The following PHAF1 variants were observed in gnomAD, a reference collection of about 807,000 sequenced individuals.
PHAF1 encodes the protein phagophore assembly factor 1.
A neutral mutation model predicts 63.1 loss-of-function variants in PHAF1; 23 were observed. That is an observed-to-expected ratio of 0.36 (90% CI 0.26 to 0.52). The LOEUF is 0.52. Among genes scored for constraint, PHAF1 ranks in the 20% least tolerant of loss-of-function variants. The pLI, the probability that PHAF1 is intolerant of heterozygous loss-of-function variation, is 0.93. For missense variants in PHAF1, 427 were observed against 517.2 expected (o/e 0.83, Z 1.69); for synonymous variants, 167 against 185.0 (o/e 0.90, Z 0.79).
At chr16:67,117,859 C>T (rs1943436571) in intron 1 of PHAF1, among the ~76,000 whole-genome samples, 1 of 150,488 alleles carries the variant, frequency 6.6e-6, no homozygotes, top group Admixed American at 6.6e-5. Flanking sequence ...GTCACCCAGG[C>T]CAGAGTGCAG....
rs1963530744 is a variant in PHAF1, at chr16:67,134,350, C to T, written c.549-5C>T. ...AGCCTCTGCTCATTCTGTGTCTGTC[C>T]CCAGGGCTCCCATGATGCCTCTGAG... On this transcript the variant is annotated splice_polypyrimidine_tract_variant and splice_region_variant and intron_variant, in intron 7 of 15. Transcript: ENST00000219139. 2 of 1,612,092 alleles carry T rather than the reference C, an allele frequency of 1.2e-6. No individual in the cohort carries two copies. The highest frequency in any genetic ancestry group is 1.7e-6 in the Non-Finnish European group (2 of 1,178,164).
chr16:67,143,265 G>C (rs1431643245), intron 10 of PHAF1, among the ~76,000 whole-genome samples: 2 of 152,206 alleles, frequency 1.3e-5, no homozygotes, highest in Non-Finnish European at 2.9e-5. Context: ...TGGCCAGCAT[G>C]GTGGCTCACG....
At position 67,145,437 on chromosome 16, in the gene PHAF1, T is replaced by C. The variant is rs765927236; in HGVS notation, c.1050+18T>C. Reference sequence around the variant, plus strand: ...ACAGCAAGGTGAGCACCTATCTTCCTACCTGGCATAGCCTGAGAATGAGGT... The same window carrying C: ...ACAGCAAGGTGAGCACCTATCTTCCCACCTGGCATAGCCTGAGAATGAGGT... On this transcript the variant is annotated intron_variant, in intron 13 of 15. Transcript: ENST00000219139. 5 of 1,614,046 alleles carry C rather than the reference T, an allele frequency of 3.1e-6. No homozygotes were observed. In the East Asian group the frequency reaches 1.1e-4, roughly 36 times the overall value.
intron 10 of PHAF1, among the ~76,000 whole-genome samples, chr16:67,143,557 T>C (rs1416847572): frequency 6.6e-6 from 1 of 152,274 alleles, no homozygotes; most frequent in Admixed American, 6.5e-5. Flanking sequence ...GGTTTCCTCA[T>C]CTGTAAAGAG....
chr16:67,127,624 G>A (rs1023358100), intron 3 of PHAF1, among the ~76,000 whole-genome samples: 2 of 151,862 alleles, frequency 1.3e-5, no homozygotes, highest in Non-Finnish European at 2.9e-5. Context: ...GTGAAACCCC[G>A]TCTCTACTAA....
chr16:67,130,117 G>A (rs371271522), intron 3 of PHAF1, among the ~76,000 whole-genome samples: 12 of 152,158 alleles, frequency 7.9e-5, no homozygotes, highest in African/African-American at 2.2e-4. Flanking sequence ...CGCAATCTCC[G>A]CTCACTGCAA....
chr16:67,135,707 A>T (rs745886003), intron 8 of PHAF1: 2 of 152,022 alleles, frequency 1.3e-5, no homozygotes, highest in Non-Finnish European at 2.9e-5. Context: ...CCTGGGCTCA[A>T]TCGATCCTCC....
intron 1 of PHAF1, among the ~76,000 whole-genome samples, chr16:67,111,659 T>C (rs1422858741): frequency 6.6e-6 from 1 of 152,202 alleles, no homozygotes; most frequent in Non-Finnish European, 1.5e-5. Flanking sequence ...GTCACTCTGT[T>C]GCCCAGGTTG....
chr16:67,143,474 T>C lies in PHAF1; in HGVS notation c.880-820T>C, dbSNP rs891727270. On this transcript the variant is annotated intron_variant, in intron 10 of 15. Coordinates refer to ENST00000219139, the MANE Select transcript of PHAF1 (RefSeq NM_025187.5). ...CTCCCAAAGTCCTGAGTCTGCATCCTCGGATTCTCTTGGCTCTGCTGCTTA... is the reference window on the plus strand; with the variant it reads ...CTCCCAAAGTCCTGAGTCTGCATCCCCGGATTCTCTTGGCTCTGCTGCTTA... Among the ~76,000 whole-genome samples the C allele has an allele frequency of 2.6e-5, 4 of 152,286 alleles. No homozygotes were observed. The East Asian group carries it at 7.7e-4, about 29-fold the overall frequency.
At chr16:67,137,421 C>T (rs1399543180) in intron 8 of PHAF1, among the ~76,000 whole-genome samples, 4 of 152,116 alleles carry the variant, frequency 2.6e-5, no homozygotes, top group Admixed American at 1.3e-4. Context: ...TGGGTTAAAG[C>T]GATTCTCATG....
chr16:67,120,288 T>C, intron 2 of PHAF1, 94 bp downstream of exon 2: 3 of 1,177,320 alleles, frequency 2.5e-6, no homozygotes, highest in Non-Finnish European at 2.4e-6. Context: ...CTGGCAAGGA[T>C]AGCTGTGTTC....
rs770113221 is a variant in PHAF1, at chr16:67,145,556, T to G, written c.1051-14T>G. The G allele has an allele frequency of 1.2e-6, 2 of 1,614,058 alleles. No homozygotes were observed. Among genetic ancestry groups the G allele is most frequent in the African/African-American group, 1.3e-5 (1 of 75,032 alleles). On this transcript the variant is annotated splice_polypyrimidine_tract_variant and intron_variant, in intron 13 of 15. Transcript: ENST00000219139. ...GTCCCTACTAACCCCTGCTCCCCTCTATCCCTCTTGCAGTGGGACAACATC... is the reference window on the plus strand; with the variant it reads ...GTCCCTACTAACCCCTGCTCCCCTCGATCCCTCTTGCAGTGGGACAACATC...
intron 2 of PHAF1, 142 bp downstream of exon 2, chr16:67,120,336 A>G: frequency 1.4e-6 from 1 of 716,658 alleles, no homozygotes; most frequent in African/African-American, 1.8e-5. Context: ...GTTATCAAGT[A>G]CCTTTTCTTT....
chr16:67,147,329 C>T lies in PHAF1; in HGVS notation c.*198C>T. 1 of 559,756 alleles carries T rather than the reference C, an allele frequency of 1.8e-6. No individual in the cohort carries two copies. Among genetic ancestry groups the T allele is most frequent in the Non-Finnish European group, 3.2e-6 (1 of 316,186 alleles). 34.7% of individuals were successfully genotyped at this position (559,756 alleles called of 1,614,324 possible). On this transcript the variant is annotated 3_prime_UTR_variant, in exon 16 of 16. Coordinates refer to ENST00000219139, the MANE Select transcript of PHAF1 (RefSeq NM_025187.5). The stretch of plus-strand genomic sequence containing the variant: ...AGATATTCTTCTGTCCATCTTTGGC[C>T]TGCTGGTGCCAGCAGGGGACACAGA...
chr16:67,124,792 A>C (rs1436744148), intron 2 of PHAF1, among the ~76,000 whole-genome samples: 1 of 151,504 alleles, frequency 6.6e-6, no homozygotes. Flanking sequence ...AGTCCCAGCT[A>C]CTCGGGAGGC....
At position 67,126,147 on chromosome 16, in the gene PHAF1, T is replaced by C. The variant is rs566486337; in HGVS notation, c.231+105T>C. 4.1e-5 allele frequency: 34 copies of C among 830,286 alleles called. 1 individual carries two copies. The highest frequency in any genetic ancestry group is 5.7e-5 in the Non-Finnish European group (29 of 504,504). The allele number at this position is 830,286 out of a possible 1,614,324, so 51.4% of individuals were successfully genotyped here. On this transcript the variant is annotated intron_variant, in intron 3 of 15. Coordinates refer to ENST00000219139, the MANE Select transcript of PHAF1 (RefSeq NM_025187.5). Reference sequence around the variant, plus strand: ...ATGTTTCAAAACTTATAAGTAGGTGTGGACTTCTTTGGTTCAGAGATCACT... The same window carrying C: ...ATGTTTCAAAACTTATAAGTAGGTGCGGACTTCTTTGGTTCAGAGATCACT...
At chr16:67,141,720 A>G (rs1310866461) in intron 10 of PHAF1, among the ~76,000 whole-genome samples, 2 of 152,200 alleles carry the variant, frequency 1.3e-5, no homozygotes, top group Non-Finnish European at 1.5e-5. Flanking sequence ...GATCACGTGT[A>G]CCGCAAGCGG....
At chr16:67,135,012 A>G (rs542055993) in intron 8 of PHAF1, 9 of 280,332 alleles carry the variant, frequency 3.2e-5, no homozygotes, top group South Asian at 3.0e-4. Flanking sequence ...GCAAATCTTA[A>G]TAAGCAACAG....
At chr16:67,114,653 G>A (rs868814182) in intron 1 of PHAF1, among the ~76,000 whole-genome samples, 2 of 152,166 alleles carry the variant, frequency 1.3e-5, no homozygotes, top group South Asian at 2.1e-4. Flanking sequence ...ATGATGTACT[G>A]GTAGAAGAAG....
Sources: allele counts gnomAD v4.1 joint callset (sites outside exome capture counted in the v4.1 genomes callset), GRCh38; gene constraint gnomAD v4.1.1; transcripts MANE v1.5; gene names NCBI Gene and HGNC (gene_info 2026-07-23, HGNC 2026-07-21).